KIF13A: variants seen among roughly 807,000 people sequenced by gnomAD.
The protein encoded by KIF13A is kinesin family member 13A.
In KIF13A, 79 loss-of-function variants were observed where a neutral mutation model predicts 212.2. The observed-to-expected ratio is 0.37, with a 90% CI of 0.31 to 0.45. The LOEUF is 0.45. KIF13A is among the 20% of genes least tolerant of loss of function. The probability of loss-of-function intolerance (pLI) is 1.00; values close to 1 mark genes in which losing one functional copy is unlikely to be tolerated. For synonymous variants in KIF13A, 789 were observed against 808.6 expected, an observed-to-expected ratio of 0.98 and a Z score of 0.41; for missense variants, 1,901 against 2,209.0, an observed-to-expected ratio of 0.86 and a Z score of 2.79.
chr6:17,921,098 A>C (rs770568800), intron 2 of KIF13A, among the ~76,000 whole-genome samples: 6 of 152,212 alleles, frequency 3.9e-5, no homozygotes, highest in Non-Finnish European at 7.3e-5. Context: ...TATTCAGAGA[A>C]GGATTACTGC....
chr6:17,882,566 A>AT (rs71536759), intron 3 of KIF13A, among the ~76,000 whole-genome samples: 3,253 of 144,260 alleles, frequency 0.023, 46 homozygotes, highest in Non-Finnish European at 0.035. Flanking sequence ...TCCTTTATAA[A>AT]TTTTTTTTTT....
Position 17,773,668 on chromosome 6 carries a change from T to C in KIF13A, c.4219-85A>G, listed in dbSNP as rs1193666477. On this transcript the variant is annotated intron_variant, in intron 35 of 38. Transcript: ENST00000259711. This position sits in a 1 kb window ranked among gnomAD's most constrained non-coding sequence, Gnocchi z 4.2. ...CCAGGTTGGAGTTTCTTCTGTTTTT[T>C]TTTAATGGCAGCATATGCTCTTCTT... is the stretch of plus-strand genomic sequence containing the variant. The C allele has an allele frequency of 9.0e-6, 6 of 666,238 alleles. No individual in the cohort carries two copies. The highest frequency in any genetic ancestry group is 7.7e-6 in the Non-Finnish European group (3 of 388,196). 41.3% of individuals were successfully genotyped at this position (666,238 alleles called of 1,614,324 possible).
Position 17,873,015 on chromosome 6 carries a change from C to T in KIF13A, c.220+362G>A, listed in dbSNP as rs142239606. Among the ~76,000 whole-genome samples, 335 of 152,300 alleles carry T rather than the reference C, an allele frequency of 2.2e-3. 1 individual carries two copies. The highest frequency in any genetic ancestry group is 4.2e-3 in the Non-Finnish European group (285 of 68,028). ...AAGCAAAAGAACCAAAAACTTCCTC[C>T]ACCAAACCAAATGCTTCCCTCTGGA... is the stretch of plus-strand genomic sequence containing the variant. On this transcript the variant is annotated intron_variant, in intron 4 of 38. Transcript: ENST00000259711.
chr6:17,771,681 C>T lies in KIF13A; in HGVS notation c.4476+227G>A, dbSNP rs1223811787. ...TTCTCACTTGAAACATAAAAAAATA[C>T]TTTGAAAAGCCATAAACACAAAGAA... On this transcript the variant is annotated intron_variant, in intron 37 of 38. Coordinates refer to ENST00000259711, the MANE Select transcript of KIF13A (RefSeq NM_022113.6). The surrounding 1 kb of genome is among the most constrained non-coding windows in gnomAD (Gnocchi z 5.4). 2.3e-6 allele frequency: 1 copy of T among 438,014 alleles called. No individual in the cohort carries two copies. The highest frequency in any genetic ancestry group is 4.0e-6 in the Non-Finnish European group (1 of 246,938). The allele number at this position is 438,014 out of a possible 1,614,324, so 27.1% of individuals were successfully genotyped here. A position where few individuals can be genotyped will look rare whatever the true frequency, so the allele number is the denominator to read the frequency against.
chr6:17,824,372 T>G (rs1199593696), intron 16 of KIF13A, among the ~76,000 whole-genome samples: 1 of 152,186 alleles, frequency 6.6e-6, no homozygotes, highest in Non-Finnish European at 1.5e-5. Context: ...TGGCAGCACA[T>G]ATGCCACAAT....
At chr6:17,822,027 G>A (rs1174275860) in intron 16 of KIF13A, 5 of 984,614 alleles carry the variant, frequency 5.1e-6, no homozygotes, top group Non-Finnish European at 7.2e-6. Flanking sequence ...GGATGGGGTA[G>A]GGGGAAACAT....
rs60485477 is a variant in KIF13A, at chr6:17,804,150, T to TCAAACAAACAAA, written c.2454+199_2454+210dup. Among the ~76,000 whole-genome samples the TCAAACAAACAAA allele has an allele frequency of 3.1e-3, 474 of 150,744 alleles. 2 individuals are homozygous for TCAAACAAACAAA. The highest frequency in any genetic ancestry group is 0.011 in the African/African-American group (456 of 41,056). On this transcript the variant is annotated intron_variant, in intron 20 of 38. Coordinates refer to ENST00000259711, the MANE Select transcript of KIF13A (RefSeq NM_022113.6). Reference sequence around the variant, plus strand: ...CTGGGCGACAGAGTGAGACTCCGTCTCAAACAAACAAACAAACAAACAAAA... The same window carrying TCAAACAAACAAA: ...CTGGGCGACAGAGTGAGACTCCGTCTCAAACAAACAAACAAACAAACAAACAAACAAACAAAA...
At chr6:17,906,453 C>CTTT (rs71002281) in intron 2 of KIF13A, among the ~76,000 whole-genome samples, 2 of 117,658 alleles carry the variant, frequency 1.7e-5, no homozygotes, top group Non-Finnish European at 3.4e-5. Flanking sequence ...TTTCTTTCTT[C>CTTT]TTTTTTTTTT....
At chr6:17,851,488 G>A (rs947944706) in intron 7 of KIF13A, among the ~76,000 whole-genome samples, 4 of 152,136 alleles carry the variant, frequency 2.6e-5, no homozygotes, top group Non-Finnish European at 5.9e-5. Context: ...ATCTTAACAA[G>A]GCATATAAGT....
At position 17,787,447 on chromosome 6, in the gene KIF13A, G is replaced by GT. The variant is rs2150315132; in HGVS notation, c.3361+328dup. ...GTGGGAGGATCACTTGAGTCCGGGA[G>GT]TTTGAGACCAGCCTGGGCAACAAAG... On this transcript the variant is annotated intron_variant, in intron 27 of 38. Transcript: ENST00000259711. The surrounding 1 kb of genome is among the most constrained non-coding windows in gnomAD (Gnocchi z 4.6). Among the ~76,000 whole-genome samples the GT allele has an allele frequency of 6.6e-6, 1 of 152,252 alleles. No individual in the cohort carries two copies. Among genetic ancestry groups the GT allele is most frequent in the Admixed American group, 6.5e-5 (1 of 15,278 alleles).
Position 17,777,148 on chromosome 6 carries a change from G to T in KIF13A, c.4170+129C>A. 1 of 708,570 alleles carries T rather than the reference G, an allele frequency of 1.4e-6. No individual in the cohort carries two copies. The allele number at this position is 708,570 out of a possible 1,614,324, so 43.9% of individuals were successfully genotyped here. A position where few individuals can be genotyped will look rare whatever the true frequency, so the allele number is the denominator to read the frequency against. ...TGGTGTGTGTCCCTGGTACAGAGAA[G>T]CAGGCTACACTTTGGGATGCCCACA... On this transcript the variant is annotated intron_variant, in intron 34 of 38. Coordinates refer to ENST00000259711, the MANE Select transcript of KIF13A (RefSeq NM_022113.6). This position sits in a 1 kb window ranked among gnomAD's most constrained non-coding sequence, Gnocchi z 4.4.
At chr6:17,966,118 C>T (rs534969064) in intron 2 of KIF13A, among the ~76,000 whole-genome samples, 95 of 152,144 alleles carry the variant, frequency 6.2e-4, no homozygotes, top group African/African-American at 2.0e-3. Context: ...TGCTTGAACC[C>T]GGGAGGCAAA....
intron 4 of KIF13A, among the ~76,000 whole-genome samples, chr6:17,865,226 T>C (rs1217095318): frequency 1.3e-5 from 2 of 152,080 alleles, no homozygotes; most frequent in Non-Finnish European, 2.9e-5. Context: ...AAGCATCCAA[T>C]ATTTGAACAC....
At chr6:17,810,681 C>A (rs533340359) in intron 17 of KIF13A, among the ~76,000 whole-genome samples, 2 of 152,302 alleles carry the variant, frequency 1.3e-5, no homozygotes, top group South Asian at 4.1e-4. Flanking sequence ...TGTTTTCCTA[C>A]AATTAGACAG....
chr6:17,943,361 T>C (rs78823950), intron 2 of KIF13A, among the ~76,000 whole-genome samples: 5,017 of 152,132 alleles, frequency 0.033, 189 homozygotes, highest in African/African-American at 0.087. Context: ...CCAATGTTAG[T>C]AAGCTTCAGA....
chr6:17,850,289 C>A lies in KIF13A; in HGVS notation c.717+34G>T, dbSNP rs1302223783. 3.8e-6 allele frequency: 6 copies of A among 1,574,672 alleles called. No individual in the cohort carries two copies. The highest frequency in any genetic ancestry group is 5.2e-6 in the Non-Finnish European group (6 of 1,157,134). ...ATATGGACACTTTCAGTTCTTCCAC[C>A]CCCACTCCAAAAAGGTTCTGCCTAA... On this transcript the variant is annotated intron_variant, in intron 8 of 38. Coordinates refer to ENST00000259711, the MANE Select transcript of KIF13A (RefSeq NM_022113.6). This position sits in a 1 kb window ranked among gnomAD's most constrained non-coding sequence, Gnocchi z 6.2.
downstream of KIF13A, among the ~76,000 whole-genome samples, chr6:17,762,709 T>TG (rs971868696): frequency 6.6e-6 from 1 of 152,226 alleles, no homozygotes; most frequent in African/African-American, 2.4e-5. Flanking sequence ...TAAAGAAAGT[T>TG]GAAGACCTAA....
At chr6:17,874,734 C>A (rs1226724990) in intron 3 of KIF13A, among the ~76,000 whole-genome samples, 1 of 151,838 alleles carries the variant, frequency 6.6e-6, no homozygotes, top group Non-Finnish European at 1.5e-5. Context: ...GTGTACACTG[C>A]ATCATATTTG....
At chr6:17,845,909 T>C (rs1254549726) in intron 9 of KIF13A, among the ~76,000 whole-genome samples, 2 of 152,202 alleles carry the variant, frequency 1.3e-5, no homozygotes, top group Non-Finnish European at 2.9e-5. Context: ...AAGCAGACAC[T>C]GACGTTTGTG....
Sources: allele counts gnomAD v4.1 joint callset (sites outside exome capture counted in the v4.1 genomes callset), GRCh38; gene constraint gnomAD v4.1.1; non-coding constraint Gnocchi (gnomAD v3.1); transcripts MANE v1.5; gene names NCBI Gene and HGNC (gene_info 2026-07-23, HGNC 2026-07-21).